MOK: variants seen among roughly 807,000 people sequenced by gnomAD.
The protein encoded by MOK is MOK protein kinase, also known as MAPK/MAK/MRK overlapping kinase.
MOK carries 59 observed loss-of-function variants against 54.2 expected under a neutral mutation model. That is an observed-to-expected ratio of 1.09 (90% CI 0.88 to 1.35). The LOEUF (loss-of-function observed/expected upper bound fraction) is 1.35. Ranked by LOEUF, MOK falls within the 40% of genes most tolerant of loss-of-function variation. The pLI is 0.00. For synonymous variants in MOK, 210 were observed against 202.7 expected, an observed-to-expected ratio of 1.04 and a Z score of -0.31; for missense variants, 517 against 526.2, an observed-to-expected ratio of 0.98 and a Z score of 0.17.
chr14:102,229,607 G>A lies in MOK; in HGVS notation c.1032C>T (p.Ala344=). The A allele has an allele frequency of 6.2e-7, 1 of 1,614,172 alleles. No individual in the cohort carries two copies. ...EEDRPKRRGP[A]YVMELPKLKL... Reference sequence around the variant, plus strand: ...TTAGTTTGGGCAGTTCCATGACATAGGCCGGTCCTCGTCTCTTGGGACGGT... The same window carrying A: ...TTAGTTTGGGCAGTTCCATGACATAAGCCGGTCCTCGTCTCTTGGGACGGT... Residue 344 remains alanine (A), a synonymous_variant, in exon 11 of 12, where the codon GCC becomes GCT. Coordinates refer to ENST00000361847, the MANE Select transcript of MOK (RefSeq NM_014226.3).
At chr14:102,278,656 G>C (rs1014054468) in intron 2 of MOK, 1 of 454,956 alleles carries the variant, frequency 2.2e-6, no homozygotes, top group Non-Finnish European at 4.4e-6. Context: ...CAACGGGCCA[G>C]GTGGGGAACT....
intron 8 of MOK, chr14:102,233,444 G>T: frequency 2.1e-6 from 1 of 486,400 alleles, no homozygotes; most frequent in Non-Finnish European, 3.7e-6. Flanking sequence ...TGACTCCCCA[G>T]CCCTCAGAAA....
At position 102,232,523 on chromosome 14, in the gene MOK, G is replaced by T. The variant is rs772617868; in HGVS notation, c.866+12C>A. On this transcript the variant is annotated intron_variant, in intron 9 of 11. Coordinates refer to ENST00000361847, the MANE Select transcript of MOK (RefSeq NM_014226.3). The surrounding 1 kb of genome is among the most constrained non-coding windows in gnomAD (Gnocchi z 5.1). ...CCTGCATCTGCCCCACCGAACCCACGAGAGTGCCTACCTCTGTTCTTGGAA... is the reference window on the plus strand; with the variant it reads ...CCTGCATCTGCCCCACCGAACCCACTAGAGTGCCTACCTCTGTTCTTGGAA... 1 of 1,608,682 alleles carries T rather than the reference G, an allele frequency of 6.2e-7. No individual in the cohort carries two copies.
chr14:102,294,947 G>T (rs576407625), intron 1 of MOK, among the ~76,000 whole-genome samples: 3 of 152,256 alleles, frequency 2.0e-5, no homozygotes, highest in Non-Finnish European at 4.4e-5. Flanking sequence ...GGCTCTTCTA[G>T]TAGGCAGAAA....
At chr14:102,246,346 T>C (rs1035510166) in intron 7 of MOK, 1 of 152,170 alleles carries the variant, frequency 6.6e-6, no homozygotes, top group Non-Finnish European at 1.5e-5. Context: ...GCTCTCTCTG[T>C]GGCTTTACTC....
chr14:102,234,495 TCCTCCGTTTCAGGGACG>T (rs1567139335), intron 7 of MOK, among the ~76,000 whole-genome samples: 1 of 152,150 alleles, frequency 6.6e-6, no homozygotes, highest in Non-Finnish European at 1.5e-5. Flanking sequence ...GGCCTCTGGT[TCCTCCGTTTCAGGGACG>T]CCTGACACGG....
chr14:102,261,836 CTTTTTTA>C (rs1158563826), intron 4 of MOK, among the ~76,000 whole-genome samples: 1 of 150,082 alleles, frequency 6.7e-6, no homozygotes, highest in Non-Finnish European at 1.5e-5. Flanking sequence ...CACGCCCGGC[CTTTTTTA>C]TTTTTTATTA....
chr14:102,284,524 T>G (rs1372304555), intron 1 of MOK, among the ~76,000 whole-genome samples: 1 of 151,822 alleles, frequency 6.6e-6, no homozygotes, highest in African/African-American at 2.4e-5. Context: ...CAAGCAGAAA[T>G]GGAAGGAATA....
intron 1 of MOK, among the ~76,000 whole-genome samples, chr14:102,295,887 A>C (rs542169136): frequency 1.3e-5 from 2 of 152,324 alleles, no homozygotes; most frequent in Non-Finnish European, 2.9e-5. Flanking sequence ...TGTAATCCTA[A>C]CACTTTGGGA....
chr14:102,247,896 CCT>C (rs560068252), intron 7 of MOK, among the ~76,000 whole-genome samples: 4 of 152,204 alleles, frequency 2.6e-5, no homozygotes, highest in Non-Finnish European at 5.9e-5. Flanking sequence ...GGCTAATGCC[CCT>C]CTTAGGCCCA....
chr14:102,259,690 A>C (rs1223966284), intron 4 of MOK, among the ~76,000 whole-genome samples: 1 of 152,158 alleles, frequency 6.6e-6, no homozygotes, highest in Non-Finnish European at 1.5e-5. Context: ...CTAGGTATAT[A>C]ACCTTGGACA....
chr14:102,283,678 A>C, intron 1 of MOK, 86 bp from the exon 2 acceptor site: 1 of 797,222 alleles, frequency 1.3e-6, no homozygotes, highest in East Asian at 2.7e-5. Context: ...TTAATCTATA[A>C]GATAATTTAA....
chr14:102,248,635 G>A (rs890419866), intron 7 of MOK, among the ~76,000 whole-genome samples: 7 of 151,870 alleles, frequency 4.6e-5, no homozygotes, highest in Middle Eastern at 3.2e-3. Context: ...AAAATTAGCC[G>A]GGCGTGCTGG....
chr14:102,273,786 T>TCAAAAA (rs1386277949), intron 2 of MOK, among the ~76,000 whole-genome samples: 2 of 151,902 alleles, frequency 1.3e-5, no homozygotes, highest in Non-Finnish European at 2.9e-5. Flanking sequence ...AAACTCCGTC[T>TCAAAAA]CAAAAACAAA....
Position 102,262,132 on chromosome 14 carries a change from C to T in MOK, c.283+1414G>A, listed in dbSNP as rs141262256. ...CTGAGATTACAGGCGTGAGCCACCG[C>T]GCCCAGCCCCTGGCCTTTATTTTTA... is the stretch of plus-strand genomic sequence containing the variant. On this transcript the variant is annotated intron_variant, in intron 4 of 11. Transcript: ENST00000361847. Among the ~76,000 whole-genome samples, 577 of 151,938 alleles carry T rather than the reference C, an allele frequency of 3.8e-3. 20 individuals are homozygous for T. The highest frequency in any genetic ancestry group is 8.1e-4 in the Non-Finnish European group (55 of 67,968).
chr14:102,274,119 G>A (rs958160479), intron 2 of MOK, among the ~76,000 whole-genome samples: 11 of 151,762 alleles, frequency 7.2e-5, no homozygotes, highest in South Asian at 6.3e-4. Context: ...CACCACACCC[G>A]GCTAATTTTC....
At position 102,234,994 on chromosome 14, in the gene MOK, C is replaced by T. The variant is rs369010405; in HGVS notation, c.591-1205G>A. 2.6e-4 allele frequency: 39 copies of T among 151,870 alleles called. No individual in the cohort carries two copies. In the South Asian group the frequency reaches 7.7e-3, roughly 30 times the overall value. The allele number at this position is 151,870 out of a possible 1,614,324, so 9.4% of individuals were successfully genotyped here. A position where few individuals can be genotyped will look rare whatever the true frequency, so the allele number is the denominator to read the frequency against. On this transcript the variant is annotated intron_variant, in intron 7 of 11. Transcript: ENST00000361847. ...TCATCCCAATAGCCCCAGCGGACGACTTCTCCTTCTTTGATCCCACCGATT... is the reference window on the plus strand; with the variant it reads ...TCATCCCAATAGCCCCAGCGGACGATTTCTCCTTCTTTGATCCCACCGATT...
At chr14:102,222,083 T>TCCCCGC (rs891304541), downstream of MOK, among the ~76,000 whole-genome samples, 22 of 151,750 alleles carry the variant, frequency 1.4e-4, no homozygotes, top group African/African-American at 4.6e-4. This position sits in a 1 kb window ranked among gnomAD's most constrained non-coding sequence, Gnocchi z 4.4. Context: ...TGGGTGAGAT[T>TCCCCGC]CCCCGCCCCC....
At chr14:102,222,364 GC>G (rs1191427847), downstream of MOK, among the ~76,000 whole-genome samples, 3 of 152,228 alleles carry the variant, frequency 2.0e-5, no homozygotes, top group Non-Finnish European at 4.4e-5. This position sits in a 1 kb window ranked among gnomAD's most constrained non-coding sequence, Gnocchi z 4.4. Context: ...AGCAGAGAAT[GC>G]CCTTTCAAAG....
Sources: gnomAD v4.1 joint callset for allele counts (sites outside exome capture counted in the v4.1 genomes callset) on GRCh38, gnomAD v4.1.1 for gene constraint, Gnocchi (gnomAD v3.1) non-coding constraint, MANE v1.5 for transcripts, NCBI Gene and HGNC (gene_info 2026-07-23, HGNC 2026-07-21) for gene names.